The following SIPA1L3 variants were observed in gnomAD, a reference collection of about 807,000 sequenced individuals.
The protein encoded by SIPA1L3 is signal induced proliferation associated 1 like 3.
A neutral mutation model predicts 150.1 loss-of-function variants in SIPA1L3; 59 were observed. The observed-to-expected ratio is 0.39, with a 90% confidence interval of 0.32 to 0.49. SIPA1L3 has a LOEUF of 0.49. SIPA1L3 is among the 20% of genes least tolerant of loss of function. SIPA1L3 has a pLI of 0.86. For synonymous variants in SIPA1L3, 1,070 were observed against 1,077.6 expected (o/e 0.99, Z 0.14); for missense variants, 2,211 against 2,489.5 (o/e 0.89, Z 2.38).
chr19:38,207,790 G>A lies in SIPA1L3; in HGVS notation c.*1550G>A, dbSNP rs1373272050. 6.6e-6 allele frequency: 1 copy of A among 152,454 alleles called. No individual in the cohort carries two copies. The highest frequency in any genetic ancestry group is 1.5e-5 in the Non-Finnish European group (1 of 68,148). The allele number at this position is 152,454 out of a possible 1,614,324, so 9.4% of individuals were successfully genotyped here. A position where few individuals can be genotyped will look rare whatever the true frequency, so the allele number is the denominator to read the frequency against. On this transcript the variant is annotated 3_prime_UTR_variant, in exon 22 of 22. Coordinates refer to ENST00000222345, the MANE Select transcript of SIPA1L3 (RefSeq NM_015073.3). ...CTCGGAGGTGCCGGTGTGGATGGGT[G>A]GGGGTGAGAGAAGAGGGTTCTTATC...
chr19:38,161,432 A>T (rs1285863288), intron 13 of SIPA1L3, among the ~76,000 whole-genome samples: 1 of 151,130 alleles, frequency 6.6e-6, no homozygotes, highest in Non-Finnish European at 1.5e-5. Flanking sequence ...AATAAGATAA[A>T]AGATAGTTTG....
chr19:38,153,050 C>G, intron 13 of SIPA1L3, 83 bp downstream of exon 13: 1 of 1,496,484 alleles, frequency 6.7e-7, no homozygotes. Flanking sequence ...GGCAACACTC[C>G]CCCTCTTGTG....
chr19:38,164,221 G>A lies in SIPA1L3; in HGVS notation c.3781-258G>A, dbSNP rs759174234. Among the ~76,000 whole-genome samples the A allele has an allele frequency of 2.4e-4, 37 of 152,258 alleles. No homozygotes were observed. The highest frequency in any genetic ancestry group is 5.0e-4 in the Non-Finnish European group (34 of 68,004). Reference sequence around the variant, plus strand: ...GCTGAGTCTGAGATGTGGGAAGCATGTTCTGTGCCTGATGTCATTTGTTCC... The same window carrying A: ...GCTGAGTCTGAGATGTGGGAAGCATATTCTGTGCCTGATGTCATTTGTTCC... On this transcript the variant is annotated intron_variant, in intron 14 of 21. Coordinates refer to ENST00000222345, the MANE Select transcript of SIPA1L3 (RefSeq NM_015073.3). The surrounding 1 kb of genome is among the most constrained non-coding windows in gnomAD (Gnocchi z 4.1).
intron 16 of SIPA1L3, among the ~76,000 whole-genome samples, chr19:38,183,806 A>G (rs534572222): frequency 2.0e-5 from 3 of 148,912 alleles, no homozygotes; most frequent in South Asian, 2.1e-4. Context: ...GCGGAGGCGG[A>G]GAGGTGCGGA....
At chr19:37,950,076 C>CAAAAAA (rs35506284) in intron 1 of SIPA1L3, among the ~76,000 whole-genome samples, 2 of 55,708 alleles carry the variant, frequency 3.6e-5, no homozygotes, top group Non-Finnish European at 7.4e-5. Context: ...GACTGTGTCT[C>CAAAAAA]AAAAAAAAAA....
intron 8 of SIPA1L3, among the ~76,000 whole-genome samples, chr19:38,114,978 T>C (rs1970851199): frequency 6.6e-6 from 1 of 152,228 alleles, no homozygotes; most frequent in Non-Finnish European, 1.5e-5. Context: ...AGCACCTGCC[T>C]CTGTTGGGAA....
chr19:38,124,778 T>C (rs1465548869), intron 9 of SIPA1L3, among the ~76,000 whole-genome samples: 2 of 152,160 alleles, frequency 1.3e-5, no homozygotes, highest in Non-Finnish European at 2.9e-5. Flanking sequence ...GGCTGGCGGA[T>C]CACTCGCGGT....
chr19:38,092,370 TAA>T (rs528197351), intron 4 of SIPA1L3, among the ~76,000 whole-genome samples: 1 of 144,586 alleles, frequency 6.9e-6, no homozygotes. Context: ...AGTATAATAT[TAA>T]AAAAAAAAAA....
Position 38,131,130 on chromosome 19 carries a change from C to T in SIPA1L3, c.3143+358C>T, listed in dbSNP as rs117668958. On this transcript the variant is annotated intron_variant, in intron 10 of 21. Transcript: ENST00000222345. ...TGTTCAAAATGTGTTTATTGAGCCC[C>T]TACTGTGTGCAAGCTCTGTTCAAAG... Among the ~76,000 whole-genome samples, 684 of 152,334 alleles carry T rather than the reference C, an allele frequency of 4.5e-3. 4 individuals carry two copies. Among genetic ancestry groups the T allele is most frequent in the Non-Finnish European group, 7.6e-3 (515 of 68,036 alleles).
intron 1 of SIPA1L3, among the ~76,000 whole-genome samples, chr19:37,997,149 T>C (rs980499225): frequency 1.3e-5 from 2 of 152,354 alleles, no homozygotes; most frequent in Admixed American, 6.5e-5. Context: ...CAACTTTTAA[T>C]AGATACCTTC....
chr19:37,956,671 A>T (rs1465618166), intron 1 of SIPA1L3, among the ~76,000 whole-genome samples: 2 of 151,980 alleles, frequency 1.3e-5, no homozygotes, highest in Non-Finnish European at 2.9e-5. Context: ...TTTAGTAGAG[A>T]TGGGGTTTCG....
At chr19:38,008,647 C>T (rs1968023507) in intron 1 of SIPA1L3, among the ~76,000 whole-genome samples, 1 of 152,098 alleles carries the variant, frequency 6.6e-6, no homozygotes, top group South Asian at 2.1e-4. Context: ...GCCTTGAACT[C>T]CTGGGCCCAA....
At chr19:37,938,052 A>T (rs987131334) in intron 1 of SIPA1L3, among the ~76,000 whole-genome samples, 2 of 152,136 alleles carry the variant, frequency 1.3e-5, no homozygotes, top group Non-Finnish European at 2.9e-5. Flanking sequence ...ACCTCAAAAA[A>T]AGAAAAAGAA....
chr19:38,200,443 G>A (rs1421238734), intron 19 of SIPA1L3: 1 of 152,188 alleles, frequency 6.6e-6, no homozygotes, highest in African/African-American at 2.4e-5. Context: ...AATGGAGCAG[G>A]TCAGAACTCC....
intron 20 of SIPA1L3, among the ~76,000 whole-genome samples, chr19:38,202,256 A>G (rs1973104398): frequency 6.6e-6 from 1 of 152,186 alleles, no homozygotes; most frequent in Non-Finnish European, 1.5e-5. Context: ...CGACACTTGA[A>G]TCAATACACA....
chr19:38,077,787 C>G (rs1168461365), intron 2 of SIPA1L3, among the ~76,000 whole-genome samples: 2 of 150,018 alleles, frequency 1.3e-5, no homozygotes, highest in African/African-American at 4.9e-5. Context: ...CCTCCTGCCT[C>G]AGCCTCCCAC....
intron 9 of SIPA1L3, among the ~76,000 whole-genome samples, chr19:38,127,991 C>T (rs998233538): frequency 6.0e-5 from 9 of 150,006 alleles, no homozygotes; most frequent in Non-Finnish European, 1.3e-4. Flanking sequence ...TTCAACTTCA[C>T]GGATGGCACC....
At chr19:38,070,621 T>G (rs1969695272) in intron 2 of SIPA1L3, among the ~76,000 whole-genome samples, 1 of 152,224 alleles carries the variant, frequency 6.6e-6, no homozygotes, top group Non-Finnish European at 1.5e-5. Flanking sequence ...TAAATGAATA[T>G]GTTTTTAGGG....
intron 12 of SIPA1L3, among the ~76,000 whole-genome samples, chr19:38,151,698 C>T (rs1019026864): frequency 2.0e-5 from 3 of 152,098 alleles, no homozygotes; most frequent in African/African-American, 7.2e-5. Flanking sequence ...CATGGTGGCT[C>T]ACATCTGTAG....
Sources: gnomAD v4.1 joint callset for allele counts (sites outside exome capture counted in the v4.1 genomes callset) on GRCh38, gnomAD v4.1.1 for gene constraint, Gnocchi (gnomAD v3.1) non-coding constraint, MANE v1.5 for transcripts, NCBI Gene and HGNC (gene_info 2026-07-23, HGNC 2026-07-21) for gene names.